ARSB: variants seen among roughly 807,000 people sequenced by gnomAD.
ARSB encodes arylsulfatase B, also known as N-acetylgalactosamine-4-sulfatase.
ARSB carries 41 observed loss-of-function variants against 50.9 expected under a neutral mutation model. The observed-to-expected ratio is 0.81, with a 90% CI of 0.63 to 1.04. ARSB has a LOEUF of 1.04. ARSB is among the 50% of genes least tolerant of loss of function. The pLI is 0.00. For missense variants in ARSB, 672 were observed against 693.3 expected (o/e 0.97, Z 0.35); for synonymous variants, 269 against 284.8 (o/e 0.94, Z 0.56).
At chr5:78,899,979 T>C (rs76788676) in intron 4 of ARSB, among the ~76,000 whole-genome samples, 94 of 152,330 alleles carry the variant, frequency 6.2e-4, no homozygotes, top group African/African-American at 2.1e-3. Flanking sequence ...TGCTTAATCT[T>C]TGCAACTAGA....
chr5:78,969,253 T>A lies in ARSB; in HGVS notation c.313-61A>T, dbSNP rs560510650. The A allele has an allele frequency of 3.7e-4, 573 of 1,568,928 alleles. 2 individuals carry two copies. The highest frequency in any genetic ancestry group is 1.1e-3 in the Middle Eastern group (6 of 5,232). ...CATTGAAATATTGTGAACAAGCAGA[T>A]AAAATGGCCTTCTACCTTACTGATC... On this transcript the variant is annotated intron_variant, in intron 1 of 7. Transcript: ENST00000264914.
chr5:78,852,972 A>G (rs1745910327), intron 5 of ARSB, among the ~76,000 whole-genome samples: 1 of 152,068 alleles, frequency 6.6e-6, no homozygotes. Context: ...ATTTTTTTCA[A>G]AGTTTTTAAC....
chr5:78,794,277 C>A (rs1482698681), intron 6 of ARSB, among the ~76,000 whole-genome samples: 2 of 152,036 alleles, frequency 1.3e-5, no homozygotes, highest in Non-Finnish European at 2.9e-5. Flanking sequence ...CAAAACCCAC[C>A]AGGGTTCTTG....
At chr5:78,920,553 CACAGGCCAT>C (rs1561502450) in intron 4 of ARSB, among the ~76,000 whole-genome samples, 2 of 151,924 alleles carry the variant, frequency 1.3e-5, no homozygotes, top group African/African-American at 4.8e-5. Context: ...CCCTGCTAGC[CACAGGCCAT>C]ACCTGCGGCG....
intron 5 of ARSB, among the ~76,000 whole-genome samples, chr5:78,856,992 T>A (rs1398594054): frequency 6.6e-6 from 1 of 152,198 alleles, no homozygotes; most frequent in South Asian, 2.1e-4. Context: ...AGAATCTAGA[T>A]AAAAGTACCT....
intron 6 of ARSB, among the ~76,000 whole-genome samples, chr5:78,786,098 G>T (rs56868001): frequency 0.078 from 11,890 of 152,086 alleles, 615 homozygotes; most frequent in Admixed American, 0.14. Flanking sequence ...ACATATTTTA[G>T]AACATTTTTA....
chr5:78,900,504 G>A (rs1204096662), intron 4 of ARSB, among the ~76,000 whole-genome samples: 1 of 152,126 alleles, frequency 6.6e-6, no homozygotes, highest in Non-Finnish European at 1.5e-5. Context: ...AAAGAATGTA[G>A]GGGAGGGGAC....
intron 4 of ARSB, among the ~76,000 whole-genome samples, chr5:78,941,243 G>C (rs1419244159): frequency 6.6e-6 from 1 of 151,280 alleles, no homozygotes. Flanking sequence ...GGGACAATTT[G>C]ACTTCCTCTT....
chr5:78,905,910 C>CAAAAAAAA (rs57651882), intron 4 of ARSB, among the ~76,000 whole-genome samples: 8 of 94,408 alleles, frequency 8.5e-5, no homozygotes, highest in East Asian at 3.0e-4. Flanking sequence ...AGCAAAGTAG[C>CAAAAAAAA]AAAAAAAAAA....
chr5:78,985,450 A>G, upstream of ARSB: 1 of 388,010 alleles, frequency 2.6e-6, no homozygotes, highest in Non-Finnish European at 4.2e-6. Flanking sequence ...GAGGAGCCAG[A>G]GACGAACCCG....
At chr5:78,940,965 A>G (rs1399031651) in intron 4 of ARSB, among the ~76,000 whole-genome samples, 1 of 152,010 alleles carries the variant, frequency 6.6e-6, no homozygotes, top group Admixed American at 6.6e-5. Context: ...TTCATTGAGC[A>G]GTGGTTTGTA....
intron 2 of ARSB, among the ~76,000 whole-genome samples, chr5:78,968,560 A>G (rs949418397): frequency 6.6e-6 from 1 of 152,066 alleles, no homozygotes; most frequent in Non-Finnish European, 1.5e-5. Context: ...CGTGTTAGTC[A>G]GGATGGTCTC....
intron 1 of ARSB, among the ~76,000 whole-genome samples, chr5:78,980,876 A>G (rs1363666540): frequency 6.6e-6 from 1 of 152,082 alleles, no homozygotes; most frequent in Non-Finnish European, 1.5e-5. Flanking sequence ...TAATGAATGA[A>G]TGAGTCATAG....
intron 3 of ARSB, among the ~76,000 whole-genome samples, chr5:78,956,421 G>A (rs1329307832): frequency 2.0e-5 from 3 of 152,070 alleles, no homozygotes; most frequent in Non-Finnish European, 4.4e-5. Context: ...TTGGGGGGAT[G>A]ATGAACATGT....
At chr5:78,787,125 T>TCTATCTAC (rs1554070212) in intron 6 of ARSB, among the ~76,000 whole-genome samples, 7 of 151,586 alleles carry the variant, frequency 4.6e-5, no homozygotes, top group Admixed American at 2.0e-4. Flanking sequence ...TATCTATCTA[T>TCTATCTAC]CTATCTATCT....
chr5:78,858,318 T>A, intron 5 of ARSB, among the ~76,000 whole-genome samples: 1 of 152,254 alleles, frequency 6.6e-6, no homozygotes, highest in East Asian at 1.9e-4. Context: ...TCTCTGATGA[T>A]ATTTTCAGTA....
Position 78,889,326 on chromosome 5 carries a change from G to A in ARSB, c.899-3499C>T, listed in dbSNP as rs79312533. Among the ~76,000 whole-genome samples the A allele has an allele frequency of 2.0e-3, 305 of 152,220 alleles. 6 individuals are homozygous for A. In the East Asian group the frequency reaches 0.035, roughly 18 times the overall value. On this transcript the variant is annotated intron_variant, in intron 4 of 7. Coordinates refer to ENST00000264914, the MANE Select transcript of ARSB (RefSeq NM_000046.5). ...ATGGAACCATCAGCATTTCAAAGAC[G>A]TTTCTTCTCATTTTCCCTTCTAGTT...
chr5:78,926,284 A>G (rs1161663920), intron 4 of ARSB, among the ~76,000 whole-genome samples: 2 of 152,208 alleles, frequency 1.3e-5, no homozygotes, highest in African/African-American at 4.8e-5. Flanking sequence ...TCTTTGAAGC[A>G]GCTGGAAAGG....
At chr5:78,878,867 T>C (rs1747609194) in intron 5 of ARSB, among the ~76,000 whole-genome samples, 1 of 152,138 alleles carries the variant, frequency 6.6e-6, no homozygotes, top group Admixed American at 6.5e-5. Context: ...CTTTTTTTTT[T>C]TCCTGAAACA....
Sources: gnomAD v4.1 joint callset for allele counts (sites outside exome capture counted in the v4.1 genomes callset) on GRCh38, gnomAD v4.1.1 for gene constraint, MANE v1.5 for transcripts, NCBI Gene and HGNC (gene_info 2026-07-23, HGNC 2026-07-21) for gene names.